RBFOX1: variants seen among roughly 807,000 people sequenced by gnomAD.
RBFOX1 encodes the protein RNA binding fox-1 homolog 1, also known as RNA binding protein fox-1 homolog 1.
In RBFOX1, 8 loss-of-function variants were observed where a neutral mutation model predicts 57.7. That is an observed-to-expected ratio of 0.14 (90% CI 0.08 to 0.25). The LOEUF (loss-of-function observed/expected upper bound fraction) is 0.25, where lower values mean the gene tolerates loss of function less well. Ranked by LOEUF, RBFOX1 falls within the 10% of genes least tolerant of loss-of-function variation. The pLI is 1.00. For missense variants in RBFOX1, 611 were observed against 548.5 expected, an observed-to-expected ratio of 1.11 and a Z score of -1.14; for synonymous variants, 326 against 222.4, an observed-to-expected ratio of 1.47 and a Z score of -4.15.
intron 4 of RBFOX1, among the ~76,000 whole-genome samples, chr16:7,470,575 G>C (rs756983071): frequency 7.2e-5 from 11 of 151,884 alleles, no homozygotes; most frequent in Non-Finnish European, 1.5e-4. Flanking sequence ...TGAGGTGATG[G>C]ATGGATGGAT....
chr16:6,857,401 T>C (rs1012443895), intron 3 of RBFOX1, among the ~76,000 whole-genome samples: 2 of 151,324 alleles, frequency 1.3e-5, no homozygotes, highest in South Asian at 2.1e-4. Context: ...CTACGAAGCA[T>C]GGGAGAGGTC....
At position 5,264,791 on chromosome 16, in the gene RBFOX1, C is replaced by G. The variant is rs541012991; in HGVS notation, c.219+24686C>G. ...ACAGGGCTCTCTAGCATTCTTCTCC[C>G]TCTGTTCCCTGCTTGGTGATACTCC... On this transcript the variant is annotated intron_variant, in intron 1 of 2. Coordinates refer to the RBFOX1 transcript ENST00000585867. 2.6e-5 allele frequency among the ~76,000 whole-genome samples: 4 copies of G among 152,232 alleles called. No homozygotes were observed. The East Asian group carries it at 5.8e-4, about 22-fold the overall frequency.
At chr16:6,523,774 C>G (rs765151558) in intron 2 of RBFOX1, among the ~76,000 whole-genome samples, 2 of 152,160 alleles carry the variant, frequency 1.3e-5, no homozygotes, top group African/African-American at 2.4e-5. Context: ...CTATTACATC[C>G]TCATGAAATG....
At chr16:6,502,130 C>T (rs565993707) in intron 2 of RBFOX1, among the ~76,000 whole-genome samples, 1 of 152,264 alleles carries the variant, frequency 6.6e-6, no homozygotes, top group East Asian at 1.9e-4. Flanking sequence ...AAAATTCCTT[C>T]AGTGTCCCTT....
chr16:6,703,439 T>C (rs1420384910), intron 3 of RBFOX1, among the ~76,000 whole-genome samples: 2 of 151,876 alleles, frequency 1.3e-5, no homozygotes, highest in Non-Finnish European at 2.9e-5. Flanking sequence ...TAGCCAGGTA[T>C]CGTGGTACAT....
intron 4 of RBFOX1, among the ~76,000 whole-genome samples, chr16:5,951,130 T>G (rs1042300476): frequency 6.6e-6 from 1 of 152,036 alleles, no homozygotes; most frequent in African/African-American, 2.4e-5. Context: ...TAGAGAGAGA[T>G]ATCCTGAACT....
intron 3 of RBFOX1, among the ~76,000 whole-genome samples, chr16:6,846,659 T>A (rs1567533840): frequency 6.6e-6 from 1 of 152,168 alleles, no homozygotes; most frequent in Non-Finnish European, 1.5e-5. Flanking sequence ...TCTACAGACG[T>A]CAAATAACCA....
Position 6,373,491 on chromosome 16 carries a change from A to G in RBFOX1, c.-64+56434A>G, listed in dbSNP as rs114509367. ...TTTGGGTAGGAGGATGGTTGGTGGA[A>G]TGGAGATTCAGTGGAAATGTATAGT... On this transcript the variant is annotated intron_variant, in intron 2 of 15. Transcript: ENST00000550418. Among the ~76,000 whole-genome samples the G allele has an allele frequency of 8.5e-3, 1,293 of 151,480 alleles. 19 individuals are homozygous for G. The highest frequency in any genetic ancestry group is 0.028 in the African/African-American group (1,140 of 41,224).
At chr16:7,700,065 C>T (rs937574182) in intron 14 of RBFOX1, among the ~76,000 whole-genome samples, 1 of 152,124 alleles carries the variant, frequency 6.6e-6, no homozygotes, top group South Asian at 2.1e-4. Flanking sequence ...CCCTACTTCT[C>T]AACCTGCTTG....
intron 3 of RBFOX1, among the ~76,000 whole-genome samples, chr16:5,680,149 G>T (rs1017487644): frequency 6.6e-6 from 1 of 152,168 alleles, no homozygotes; most frequent in African/African-American, 2.4e-5. Context: ...GATATGTGTG[G>T]GGGGTAAAGG....
At chr16:7,271,061 TG>T (rs1345118669) in intron 4 of RBFOX1, among the ~76,000 whole-genome samples, 1 of 152,154 alleles carries the variant, frequency 6.6e-6, no homozygotes, top group Non-Finnish European at 1.5e-5. Context: ...TTTGCTGCAT[TG>T]CCTCACAGTT....
At chr16:6,152,470 G>C (rs1258997425) in intron 1 of RBFOX1, among the ~76,000 whole-genome samples, 1 of 152,188 alleles carries the variant, frequency 6.6e-6, no homozygotes, top group Non-Finnish European at 1.5e-5. Context: ...TCAGAAAGCA[G>C]CTTCTGGCAT....
At chr16:7,499,764 T>A (rs1346622820) in intron 4 of RBFOX1, among the ~76,000 whole-genome samples, 1 of 152,156 alleles carries the variant, frequency 6.6e-6, no homozygotes, top group African/African-American at 2.4e-5. Flanking sequence ...ATTAGAAATA[T>A]TTAATGTCGA....
intron 4 of RBFOX1, among the ~76,000 whole-genome samples, chr16:7,468,654 G>C (rs1213747861): frequency 1.3e-5 from 2 of 152,160 alleles, no homozygotes; most frequent in African/African-American, 4.8e-5. Flanking sequence ...GAAAATGCCA[G>C]AGGACACATG....
intron 4 of RBFOX1, among the ~76,000 whole-genome samples, chr16:7,397,526 C>G (rs922875572): frequency 2.0e-5 from 3 of 152,166 alleles, no homozygotes; most frequent in Non-Finnish European, 2.9e-5. Context: ...CAGAGGGTCT[C>G]AGAGCCTCCA....
intron 3 of RBFOX1, among the ~76,000 whole-genome samples, chr16:6,911,064 G>T (rs1010476387): frequency 4.6e-5 from 7 of 151,988 alleles, no homozygotes; most frequent in African/African-American, 1.7e-4. Flanking sequence ...AGCCGAGCGT[G>T]GTGGCAGGCA....
chr16:6,045,968 G>C (rs1246322894), intron 1 of RBFOX1, among the ~76,000 whole-genome samples: 1 of 152,234 alleles, frequency 6.6e-6, no homozygotes, highest in African/African-American at 2.4e-5. Flanking sequence ...TGTAGCCTTG[G>C]TGTCATGAGT....
intron 3 of RBFOX1, among the ~76,000 whole-genome samples, chr16:6,825,192 G>A (rs533455683): frequency 6.7e-6 from 1 of 149,608 alleles, no homozygotes; most frequent in African/African-American, 2.5e-5. Context: ...TCTTGTGGGG[G>A]GGCTGACGTG....
intron 1 of RBFOX1, among the ~76,000 whole-genome samples, chr16:6,293,515 A>G (rs1346236448): frequency 2.0e-5 from 3 of 152,190 alleles, no homozygotes; most frequent in African/African-American, 7.2e-5. Context: ...TTGGGATGCA[A>G]AGTCAAACCA....
Sources: allele counts gnomAD v4.1 joint callset (sites outside exome capture counted in the v4.1 genomes callset), GRCh38; gene constraint gnomAD v4.1.1; transcripts MANE v1.5; gene names NCBI Gene and HGNC (gene_info 2026-07-23, HGNC 2026-07-21).